The following UBE2QL1 variants were observed in gnomAD, a reference collection of about 807,000 sequenced individuals.
The protein encoded by UBE2QL1 is ubiquitin-conjugating enzyme E2Q-like protein 1.
UBE2QL1 carries 5 observed loss-of-function variants against 12.6 expected under a neutral mutation model. The observed-to-expected ratio is 0.40, with a 90% CI of 0.21 to 0.83. The LOEUF (loss-of-function observed/expected upper bound fraction) is 0.83. Ranked by LOEUF, UBE2QL1 falls within the 40% of genes least tolerant of loss-of-function variation. The pLI, the probability that UBE2QL1 is intolerant of heterozygous loss-of-function variation, is 0.37. For missense variants in UBE2QL1, 99 were observed against 222.6 expected (o/e 0.44, Z 3.53); for synonymous variants, 96 against 94.5 (o/e 1.02, Z -0.10).
At chr5:6,458,301 AG>A (rs1739578943) in intron 1 of UBE2QL1, among the ~76,000 whole-genome samples, 1 of 152,212 alleles carries the variant, frequency 6.6e-6, no homozygotes, top group African/African-American at 2.4e-5. Context: ...TGTCTGGTAA[AG>A]GATCAGTTAC....
intron 1 of UBE2QL1, among the ~76,000 whole-genome samples, chr5:6,486,686 G>C (rs1054107852): frequency 2.9e-4 from 44 of 152,232 alleles, no homozygotes; most frequent in African/African-American, 1.0e-3. Context: ...GGGAAGACCT[G>C]CAGCAATCGT....
At chr5:6,483,311 G>A (rs999959991) in intron 1 of UBE2QL1, among the ~76,000 whole-genome samples, 6 of 152,054 alleles carry the variant, frequency 3.9e-5, no homozygotes, top group Non-Finnish European at 8.8e-5. Context: ...TGGTGGTGCA[G>A]GCCTGTAATC....
At chr5:6,460,700 A>G (rs944756275) in intron 1 of UBE2QL1, among the ~76,000 whole-genome samples, 1 of 152,220 alleles carries the variant, frequency 6.6e-6, no homozygotes, top group African/African-American at 2.4e-5. Flanking sequence ...ATTCCATTAC[A>G]TTGGTAGCAT....
intron 1 of UBE2QL1, among the ~76,000 whole-genome samples, chr5:6,456,974 C>T (rs1353612927): frequency 6.6e-6 from 1 of 151,888 alleles, no homozygotes; most frequent in East Asian, 1.9e-4. Flanking sequence ...TCCTCTCCAG[C>T]CCTGTGCTCC....
chr5:6,491,280 T>C lies in UBE2QL1; in HGVS notation c.417T>C (p.Ala139=). Reference sequence around the variant, plus strand: ...CCTTCAGTCGCAAGGAAGCTGAAGCTACCTTTAAGAGTTTGGTGAAGACGC... The same window carrying C: ...CCTTCAGTCGCAAGGAAGCTGAAGCCACCTTTAAGAGTTTGGTGAAGACGC... ...KKSFSRKEAE[A]TFKSLVKTHE... is the part of the protein sequence containing the mutation. Residue 139 remains alanine, a synonymous_variant, in exon 2 of 2, where the codon GCT becomes GCC. Coordinates refer to ENST00000399816, the MANE Select transcript of UBE2QL1 (RefSeq NM_001145161.3). 1 of 1,551,744 alleles carries C rather than the reference T, an allele frequency of 6.4e-7. No homozygotes were observed. Among genetic ancestry groups the C allele is most frequent in the Non-Finnish European group, 8.7e-7 (1 of 1,146,996 alleles).
intron 1 of UBE2QL1, among the ~76,000 whole-genome samples, chr5:6,451,216 G>A (rs1346793962): frequency 1.3e-5 from 2 of 149,744 alleles, no homozygotes; most frequent in Admixed American, 6.8e-5. Flanking sequence ...TGAAAGATGC[G>A]AGAAAACAAA....
rs999427959 is a variant in UBE2QL1, at chr5:6,491,501, G to A, written c.*152G>A. On this transcript the variant is annotated 3_prime_UTR_variant, in exon 2 of 2. Transcript: ENST00000399816. ...GAGACGTTTAAGTTATTTATGAAAAGATGTGTGTACAGAGAGGAAGAGGGA... is the reference window on the plus strand; with the variant it reads ...GAGACGTTTAAGTTATTTATGAAAAAATGTGTGTACAGAGAGGAAGAGGGA... The A allele has an allele frequency of 9.2e-7, 1 of 1,091,836 alleles. No homozygotes were observed. Among genetic ancestry groups the A allele is most frequent in the Admixed American group, 3.3e-5 (1 of 29,896 alleles). 67.6% of individuals were successfully genotyped at this position (1,091,836 alleles called of 1,614,324 possible).
At chr5:6,487,042 G>T (rs931894520) in intron 1 of UBE2QL1, among the ~76,000 whole-genome samples, 2 of 152,184 alleles carry the variant, frequency 1.3e-5, no homozygotes, top group African/African-American at 4.8e-5. Context: ...AGCCCTAAAG[G>T]CAGAGACCTG....
At chr5:6,484,002 C>T (rs980049539) in intron 1 of UBE2QL1, among the ~76,000 whole-genome samples, 1 of 152,214 alleles carries the variant, frequency 6.6e-6, no homozygotes, top group African/African-American at 2.4e-5. Flanking sequence ...ACCGAAAGAT[C>T]AGGTTTATGG....
intron 1 of UBE2QL1, among the ~76,000 whole-genome samples, chr5:6,488,180 A>C (rs1321491689): frequency 6.6e-6 from 1 of 152,252 alleles, no homozygotes; most frequent in Non-Finnish European, 1.5e-5. Context: ...GAATTGACTA[A>C]GCACTAGGGC....
Position 6,491,389 on chromosome 5 carries a change from A to G in UBE2QL1, c.*40A>G. 8 of 1,526,260 alleles carry G rather than the reference A, an allele frequency of 5.2e-6. No individual in the cohort carries two copies. The highest frequency in any genetic ancestry group is 1.3e-5 in the South Asian group (1 of 78,698). 94.5% of individuals were successfully genotyped at this position (1,526,260 alleles called of 1,614,324 possible). A position where few individuals can be genotyped will look rare whatever the true frequency, so the allele number is the denominator to read the frequency against. On this transcript the variant is annotated 3_prime_UTR_variant, in exon 2 of 2. Transcript: ENST00000399816. Reference sequence around the variant, plus strand: ...AGTAGACGCTCGAGCGCCTGTCCACACACACACCAGTACCCTGACATCTCC... The same window carrying G: ...AGTAGACGCTCGAGCGCCTGTCCACGCACACACCAGTACCCTGACATCTCC...
Position 6,495,284 on chromosome 5 carries a change from T to C in UBE2QL1, c.*3935T>C, listed in dbSNP as rs755329660. ...TGGCGTGTGGAGCTTGCCCTGTGTG[T>C]AGCAATTATATTTCAGTGTACCCAT... On this transcript the variant is annotated 3_prime_UTR_variant, in exon 2 of 2. Transcript: ENST00000399816. Among the ~76,000 whole-genome samples the C allele has an allele frequency of 7.2e-5, 11 of 152,202 alleles. No individual in the cohort carries two copies. The highest frequency in any genetic ancestry group is 1.2e-4 in the Non-Finnish European group (8 of 68,018).
chr5:6,474,886 A>G (rs2651947), intron 1 of UBE2QL1, among the ~76,000 whole-genome samples: 113,096 of 151,874 alleles, frequency 0.74, 46,295 homozygotes, highest in East Asian at 0.92. Flanking sequence ...CACCTCCAGC[A>G]CCTGACAGCT....
chr5:6,470,509 C>T (rs1294198523), intron 1 of UBE2QL1, among the ~76,000 whole-genome samples: 1 of 152,226 alleles, frequency 6.6e-6, no homozygotes, highest in Non-Finnish European at 1.5e-5. Context: ...TGAACACACA[C>T]ACATGCACAC....
At chr5:6,458,466 A>G (rs1222409779) in intron 1 of UBE2QL1, among the ~76,000 whole-genome samples, 1 of 152,238 alleles carries the variant, frequency 6.6e-6, no homozygotes, top group Non-Finnish European at 1.5e-5. Context: ...TTTTGGTTCT[A>G]ATAAAAAGCT....
rs574494009 is a variant in UBE2QL1 at position 6,454,406 on chromosome 5, T to C, written c.354+5159T>C. Among the ~76,000 whole-genome samples the C allele has an allele frequency of 6.6e-5, 10 of 152,274 alleles. No individual in the cohort carries two copies. In the South Asian group the frequency reaches 2.1e-3, roughly 32 times the overall value. ...GTGTAAGAACACAGTCAGATTGGAT[T>C]AGGGCCCATCCTCCTGACCTGACTT... is the stretch of plus-strand genomic sequence containing the variant. On this transcript the variant is annotated intron_variant, in intron 1 of 1. Transcript: ENST00000399816.
chr5:6,450,258 C>T (rs149928470), intron 1 of UBE2QL1, among the ~76,000 whole-genome samples: 116 of 152,182 alleles, frequency 7.6e-4, no homozygotes, highest in African/African-American at 2.8e-3. Flanking sequence ...AATCCTTTAT[C>T]AGGGCTAAAG....
intron 1 of UBE2QL1, among the ~76,000 whole-genome samples, chr5:6,460,096 G>T (rs1052398629): frequency 6.6e-6 from 1 of 152,168 alleles, no homozygotes; most frequent in African/African-American, 2.4e-5. Context: ...GGTGTTATTG[G>T]TGGGTGGGGC....
rs272465 is a variant in UBE2QL1, at chr5:6,479,848, C to G, written c.355-11370C>G. Among the ~76,000 whole-genome samples the G allele has an allele frequency of 0.25, 38,532 of 152,104 alleles. 5,035 individuals carry two copies. The highest frequency in any genetic ancestry group is 0.4 in the East Asian group (2,054 of 5,152). On this transcript the variant is annotated intron_variant, in intron 1 of 1. Transcript: ENST00000399816. The surrounding 1 kb of genome is among the most constrained non-coding windows in gnomAD (Gnocchi z 4.2). Reference sequence around the variant, plus strand: ...CACCCACCCTGTTCACCACGTCAGGCAGGTAGCGTGTGCCGAGGCCCCCAC... The same window carrying G: ...CACCCACCCTGTTCACCACGTCAGGGAGGTAGCGTGTGCCGAGGCCCCCAC...
Sources: gnomAD v4.1 joint callset for allele counts (sites outside exome capture counted in the v4.1 genomes callset) on GRCh38, gnomAD v4.1.1 for gene constraint, Gnocchi (gnomAD v3.1) non-coding constraint, MANE v1.5 for transcripts, NCBI Gene and HGNC (gene_info 2026-07-23, HGNC 2026-07-21) for gene names.